The following ECHDC1 variants were observed in gnomAD, a reference collection of about 807,000 sequenced individuals.
ECHDC1 encodes ethylmalonyl-CoA decarboxylase 1, also known as ethylmalonyl-CoA decarboxylase.
Under a neutral mutation model 29.7 loss-of-function variants are expected in ECHDC1, and 29 were observed. That is an observed-to-expected ratio of 0.98 (90% confidence interval 0.73 to 1.33). ECHDC1 has a LOEUF of 1.33. Ranked by LOEUF, ECHDC1 falls within the 40% of genes most tolerant of loss-of-function variation. The probability of loss-of-function intolerance (pLI) is 0.00; values close to 1 mark genes in which losing one functional copy is unlikely to be tolerated. For missense variants in ECHDC1, 328 were observed against 350.0 expected, an observed-to-expected ratio of 0.94 and a Z score of 0.50; for synonymous variants, 126 against 123.1, an observed-to-expected ratio of 1.02 and a Z score of -0.15.
At position 127,290,057 on chromosome 6, in the gene ECHDC1, G is replaced by C. The variant is rs1264311583; in HGVS notation, c.718C>G (p.Gln240Glu). The change falls in exon 6 of 6, where the codon CAA becomes GAA. Residue 240 changes from glutamine to glutamate, a missense_variant. Transcript: ENST00000454859. The part of the protein sequence containing the change: ...SDETKSLEEA[Q>E]EWLKQFIQGP... ...TGGATGAATTGCTTTAGCCATTCTT[G>C]TGCCTCTTCTAGAGATTTAGTTTCA... The C allele has an allele frequency of 6.2e-7, 1 of 1,613,638 alleles. No individual in the cohort carries two copies. Among genetic ancestry groups the C allele is most frequent in the East Asian group, 2.2e-5 (1 of 44,840 alleles).
chr6:127,302,561 G>A (rs941714962), intron 5 of ECHDC1, among the ~76,000 whole-genome samples: 8 of 151,670 alleles, frequency 5.3e-5, no homozygotes, highest in Non-Finnish European at 8.8e-5. Context: ...CACCATGCCC[G>A]GCTAATTTTT....
chr6:127,327,946 T>G (rs1410421110), intron 2 of ECHDC1, among the ~76,000 whole-genome samples: 1 of 152,232 alleles, frequency 6.6e-6, no homozygotes, highest in Non-Finnish European at 1.5e-5. Flanking sequence ...ATGACTAGTT[T>G]TAATTTCCTC....
chr6:127,313,752 T>A (rs941192538), intron 5 of ECHDC1, among the ~76,000 whole-genome samples: 1 of 152,190 alleles, frequency 6.6e-6, no homozygotes, highest in African/African-American at 2.4e-5. Flanking sequence ...TTTCAAAGTA[T>A]GCCACAATGT....
chr6:127,291,697 G>A (rs1479337453), intron 5 of ECHDC1, among the ~76,000 whole-genome samples: 1 of 152,090 alleles, frequency 6.6e-6, no homozygotes, highest in Non-Finnish European at 1.5e-5. Context: ...GCTTTCCAAC[G>A]TGTTAAATAC....
intron 5 of ECHDC1, among the ~76,000 whole-genome samples, chr6:127,297,738 C>G (rs1780726087): frequency 6.6e-6 from 1 of 152,124 alleles, no homozygotes; most frequent in South Asian, 2.1e-4. Context: ...TGTGCTTACC[C>G]AAGACATACC....
chr6:127,310,572 C>T (rs144262438), intron 5 of ECHDC1, among the ~76,000 whole-genome samples: 13 of 152,198 alleles, frequency 8.5e-5, no homozygotes, highest in South Asian at 2.1e-4. Flanking sequence ...ATGATAAAAC[C>T]TGACTAGATG....
At chr6:127,326,953 A>G (rs1237502719) in intron 3 of ECHDC1, 49 bp downstream of exon 3, 2 of 1,571,472 alleles carry the variant, frequency 1.3e-6, no homozygotes, top group African/African-American at 2.7e-5. Context: ...TCTGCCATAC[A>G]TGTCTAATAA....
chr6:127,321,990 C>T (rs908207235), intron 3 of ECHDC1, among the ~76,000 whole-genome samples: 1 of 150,912 alleles, frequency 6.6e-6, no homozygotes, highest in Non-Finnish European at 1.5e-5. Context: ...GCAACAGAAC[C>T]AGACTCCATC....
In ECHDC1 at chr6:127,343,589, C is replaced by T. The variant is rs1299378236; in HGVS notation, c.-256G>A. 1 of 152,236 alleles carries T rather than the reference C, an allele frequency of 6.6e-6. No homozygotes were observed. The highest frequency in any genetic ancestry group is 1.5e-5 in the Non-Finnish European group (1 of 68,096). The allele number at this position is 152,236 out of a possible 1,614,324, so 9.4% of individuals were successfully genotyped here. A position where few individuals can be genotyped will look rare whatever the true frequency, so the allele number is the denominator to read the frequency against. ...CGCTCCTGCCGCGAGGCGCCCTCCG[C>T]TTCGCGCTCCCTCGTGTCACGAGGG... On this transcript the variant is annotated 5_prime_UTR_variant, in exon 1 of 6. Transcript: ENST00000454859.
At chr6:127,301,439 C>T (rs1781045920) in intron 5 of ECHDC1, among the ~76,000 whole-genome samples, 1 of 152,158 alleles carries the variant, frequency 6.6e-6, no homozygotes, top group Non-Finnish European at 1.5e-5. Context: ...AAAGGGCCAA[C>T]ACATATAAAG....
chr6:127,306,282 G>C (rs1179740457), intron 5 of ECHDC1, among the ~76,000 whole-genome samples: 1 of 152,042 alleles, frequency 6.6e-6, no homozygotes, highest in African/African-American at 2.4e-5. Context: ...CCCATCACTG[G>C]AGCACCCAGA....
intron 5 of ECHDC1, among the ~76,000 whole-genome samples, chr6:127,305,842 A>T (rs72961060): frequency 0.052 from 7,985 of 152,166 alleles, 273 homozygotes; most frequent in South Asian, 0.098. Context: ...AAGCTAAATC[A>T]AATCACTGAG....
intron 1 of ECHDC1, among the ~76,000 whole-genome samples, chr6:127,335,463 T>C (rs974686399): frequency 2.6e-5 from 4 of 152,036 alleles, no homozygotes; most frequent in African/African-American, 9.7e-5. Context: ...TCTTAAAAAA[T>C]GGTATCTAAG....
intron 1 of ECHDC1, among the ~76,000 whole-genome samples, chr6:127,334,442 T>C (rs1443993980): frequency 6.6e-6 from 1 of 152,160 alleles, no homozygotes; most frequent in Non-Finnish European, 1.5e-5. Context: ...TCATTACATA[T>C]AATCTGAATT....
chr6:127,306,319 A>G (rs1781435026), intron 5 of ECHDC1, among the ~76,000 whole-genome samples: 1 of 152,194 alleles, frequency 6.6e-6, no homozygotes, highest in South Asian at 2.1e-4. Context: ...TATTAGAGCT[A>G]AAGTGAGAGA....
At chr6:127,331,151 C>CT (rs35842645) in intron 1 of ECHDC1, 121 bp from the exon 2 acceptor site, 7,046 of 559,070 alleles carry the variant, frequency 0.013, no homozygotes, top group South Asian at 0.021. Context: ...TTCCCCATTT[C>CT]TTTTTTTTTT....
chr6:127,291,752 C>T (rs1383050051), intron 5 of ECHDC1, among the ~76,000 whole-genome samples: 1 of 152,080 alleles, frequency 6.6e-6, no homozygotes, highest in Non-Finnish European at 1.5e-5. Flanking sequence ...GAACAAAAAA[C>T]TCAGTCTTTG....
intron 2 of ECHDC1, among the ~76,000 whole-genome samples, chr6:127,327,539 T>C (rs951318203): frequency 2.0e-5 from 3 of 152,166 alleles, no homozygotes; most frequent in Non-Finnish European, 2.9e-5. Flanking sequence ...TCAATAAAGC[T>C]TTATGGGTAT....
chr6:127,329,885 G>A lies in ECHDC1; in HGVS notation c.220+924C>T, dbSNP rs1322124363. The A allele has an allele frequency of 6.6e-6, 3 of 455,078 alleles. No homozygotes were observed. In the Admixed American group the frequency reaches 7.1e-5, roughly 11 times the overall value. The allele number at this position is 455,078 out of a possible 1,614,324, so 28.2% of individuals were successfully genotyped here. A position where few individuals can be genotyped will look rare whatever the true frequency, so the allele number is the denominator to read the frequency against. On this transcript the variant is annotated intron_variant, in intron 2 of 5. Transcript: ENST00000454859. The stretch of plus-strand genomic sequence containing the variant: ...GTATAGAGAAATCTCTCTGAATTCT[G>A]GTAAGTGGAGAGAAAAGTCATCTTG...
Sources: gnomAD v4.1 joint callset for allele counts (sites outside exome capture counted in the v4.1 genomes callset) on GRCh38, gnomAD v4.1.1 for gene constraint, MANE v1.5 for transcripts, NCBI Gene and HGNC (gene_info 2026-07-23, HGNC 2026-07-21) for gene names.